Variants in WDR62 observed in about 807,000 individuals in gnomAD.
WDR62 encodes the protein WD repeat domain 62.
A neutral mutation model predicts 160.6 loss-of-function variants in WDR62; 112 were observed. The observed-to-expected ratio is 0.70, with a 90% CI of 0.60 to 0.82. The LOEUF is 0.82. Among genes scored for constraint, WDR62 ranks in the 40% least tolerant of loss-of-function variants. The pLI, the probability that WDR62 is intolerant of heterozygous loss-of-function variation, is 0.00. For missense variants in WDR62, 1,819 were observed against 1,983.8 expected (o/e 0.92, Z 1.58); for synonymous variants, 792 against 815.1 (o/e 0.97, Z 0.48).
intron 2 of WDR62, among the ~76,000 whole-genome samples, chr19:36,059,702 C>T (rs1970546716): frequency 6.6e-6 from 1 of 152,128 alleles, no homozygotes. Flanking sequence ...TCCCAAAGTG[C>T]TGGGATTATA....
At position 36,104,863 on chromosome 19, in the gene WDR62, A is replaced by T; in HGVS notation, c.4407A>T (p.Glu1469Asp). ...FLWIHSQLEA[E>D]CLVGTSVAPA... ...GGATCCACAGCCAGCTGGAGGCTGA[A>T]TGCCTGGTGGGGACTAGTGTGGCCC... Residue 1469 changes from glutamate (E) to aspartate (D), a missense_variant, in exon 32 of 32, where the codon GAA becomes GAT. Physicochemically the swap from Glu to Asp is conservative, Grantham distance 45. Coordinates refer to ENST00000401500, the MANE Select transcript of WDR62 (RefSeq NM_001083961.2). 6.2e-7 allele frequency: 1 copy of T among 1,613,102 alleles called. No individual in the cohort carries two copies. Among genetic ancestry groups the T allele is most frequent in the African/African-American group, 1.3e-5 (1 of 75,026 alleles).
intron 21 of WDR62, among the ~76,000 whole-genome samples, chr19:36,099,081 G>A (rs1395225923): frequency 6.6e-6 from 1 of 152,088 alleles, no homozygotes; most frequent in African/African-American, 2.4e-5. Flanking sequence ...AATTAGCCAG[G>A]TGTGGTGGTG....
At chr19:36,092,308 CAAA>C (rs557921076) in intron 18 of WDR62, among the ~76,000 whole-genome samples, 6 of 81,168 alleles carry the variant, frequency 7.4e-5, no homozygotes, top group African/African-American at 9.2e-5. Context: ...AAGACTCTCT[CAAA>C]AAAAAAAAAA....
chr19:36,091,526 G>A, intron 18 of WDR62, 61 bp downstream of exon 18: 1 of 1,524,784 alleles, frequency 6.6e-7, no homozygotes, highest in South Asian at 1.1e-5. Flanking sequence ...CACTCAGCCT[G>A]CCTGTGTAGA....
At chr19:36,068,683 T>G (rs1429854071) in intron 7 of WDR62, among the ~76,000 whole-genome samples, 1 of 149,780 alleles carries the variant, frequency 6.7e-6, no homozygotes, top group Non-Finnish European at 1.5e-5. Context: ...GGTAAGGTCA[T>G]AGATCAACAG....
rs550638582 is a variant in WDR62, at chr19:36,067,154, A to T, written c.562-152A>T. ...CGGTGAGGAATGAGCAGGGTGCCCC[A>T]CATAGGTTTCCCCATACAGCAGCTC... On this transcript the variant is annotated intron_variant, in intron 5 of 31. Transcript: ENST00000401500. The T allele has an allele frequency of 7.4e-6, 7 of 946,814 alleles. No individual in the cohort carries two copies. The East Asian group carries it at 1.8e-4, about 24-fold the overall frequency. 58.7% of individuals were successfully genotyped at this position (946,814 alleles called of 1,614,324 possible). A position where few individuals can be genotyped will look rare whatever the true frequency, so the allele number is the denominator to read the frequency against.
chr19:36,086,274 A>G (rs1053122008), intron 12 of WDR62, among the ~76,000 whole-genome samples: 2 of 152,112 alleles, frequency 1.3e-5, no homozygotes, highest in South Asian at 4.1e-4. Context: ...CAGGCAGTCA[A>G]TAGGACCTGA....
At chr19:36,072,255 GAGA>G (rs1307375699) in intron 8 of WDR62, among the ~76,000 whole-genome samples, 1 of 152,238 alleles carries the variant, frequency 6.6e-6, no homozygotes, top group Non-Finnish European at 1.5e-5. Flanking sequence ...GGTGCCTGGT[GAGA>G]AGGAGCTGCT....
At chr19:36,099,266 G>GTACCTGGAA (rs1973173082) in intron 21 of WDR62, 133 bp from the exon 22 acceptor site, 1 of 660,832 alleles carries the variant, frequency 1.5e-6, no homozygotes, top group East Asian at 2.8e-5. Flanking sequence ...TCACGCTGGA[G>GTACCTGGAA]ATATGTACCT....
chr19:36,089,438 GT>G (rs926432301), intron 15 of WDR62, 132 bp downstream of exon 15: 163 of 1,429,588 alleles, frequency 1.1e-4, no homozygotes, highest in Admixed American at 1.5e-4. Context: ...TTCCTTCTTG[GT>G]TTTTTTTTGT....
chr19:36,091,548 A>T lies in WDR62; in HGVS notation c.2210+83A>T. ...CCTGCCTGTGTAGAGAGCATTTCTA[A>T]ACTGCCCAGTTTGGATTGTGGGAGT... On this transcript the variant is annotated intron_variant, in intron 18 of 31. Transcript: ENST00000401500. The T allele has an allele frequency of 4.4e-6, 6 of 1,372,968 alleles. No homozygotes were observed. In the South Asian group the frequency reaches 5.8e-5, roughly 13 times the overall value. 85.0% of individuals were successfully genotyped at this position (1,372,968 alleles called of 1,614,324 possible).
chr19:36,105,253 G>A, downstream of WDR62: 3 of 618,574 alleles, frequency 4.8e-6, no homozygotes, highest in South Asian at 5.8e-5. Context: ...AGGAACTGCA[G>A]CCATGACCTC....
chr19:36,081,942 C>T (rs1423996599), intron 10 of WDR62: 1 of 457,810 alleles, frequency 2.2e-6, no homozygotes, highest in East Asian at 6.5e-5. Flanking sequence ...CACAGTGAGG[C>T]CTCACGGGGG....
chr19:36,063,564 A>C (rs1970781876), intron 3 of WDR62, among the ~76,000 whole-genome samples: 2 of 152,178 alleles, frequency 1.3e-5, no homozygotes, highest in Admixed American at 6.5e-5. Flanking sequence ...CTTGACACTG[A>C]GGATTGTAGA....
In WDR62 at chr19:36,089,974, C is replaced by T. The variant is rs548177217; in HGVS notation, c.1959-471C>T. Among the ~76,000 whole-genome samples, 5 of 152,328 alleles carry T rather than the reference C, an allele frequency of 3.3e-5. No individual in the cohort carries two copies. The South Asian group carries it at 1.0e-3, about 32-fold the overall frequency. ...GCCCTCCTTCATGGAGCTCACAGTC[C>T]AGTAGAATGGACACGGCCACCTCAC... On this transcript the variant is annotated intron_variant, in intron 15 of 31. Coordinates refer to ENST00000401500, the MANE Select transcript of WDR62 (RefSeq NM_001083961.2).
chr19:36,100,997 G>T lies in WDR62; in HGVS notation c.2867+122G>T, dbSNP rs1973294994. The T allele has an allele frequency of 3.4e-6, 5 of 1,490,500 alleles. No homozygotes were observed. In the Admixed American group the frequency reaches 8.8e-5, roughly 26 times the overall value. The allele number at this position is 1,490,500 out of a possible 1,614,324, so 92.3% of individuals were successfully genotyped here. A position where few individuals can be genotyped will look rare whatever the true frequency, so the allele number is the denominator to read the frequency against. ...GTGGGAGTGGGGACAGTTGAGGCCT[G>T]GATGGGGCAGGAGCCCAGCCTTAGT... On this transcript the variant is annotated intron_variant, in intron 23 of 31. Coordinates refer to ENST00000401500, the MANE Select transcript of WDR62 (RefSeq NM_001083961.2).
intron 1 of WDR62, among the ~76,000 whole-genome samples, chr19:36,055,833 G>C (rs1054734192): frequency 2.0e-5 from 3 of 152,192 alleles, no homozygotes; most frequent in Non-Finnish European, 4.4e-5. Context: ...TTTTCCAGCT[G>C]TGTAGGCACA....
In WDR62 at chr19:36,067,224, G is replaced by T. The variant is rs371588458; in HGVS notation, c.562-82G>T. On this transcript the variant is annotated intron_variant, in intron 5 of 31. Coordinates refer to ENST00000401500, the MANE Select transcript of WDR62 (RefSeq NM_001083961.2). The stretch of plus-strand genomic sequence containing the variant: ...ACAGACTTGGAGTGGGGACGAGCAG[G>T]GAGTTCCAGCCTGAGGGCAAAGGCA... 613 of 1,590,496 alleles carry T rather than the reference G, an allele frequency of 3.9e-4. 4 individuals are homozygous for T. In the African/African-American group the frequency reaches 7.1e-3, roughly 18 times the overall value.
Position 36,089,229 on chromosome 19 carries a change from G to A in WDR62, c.1881G>A (p.Glu627=). The part of the protein sequence containing the change: ...LHFVRTHHVA[E]KTTLYDMDID... ...TTGTCCGTACCCACCACGTAGCAGA[G>A]AAAACCACCTTGTATGACATGGACA... The change falls in exon 15 of 32, where the codon GAG becomes GAA. Residue 627 remains glutamate, a synonymous_variant. Coordinates refer to ENST00000401500, the MANE Select transcript of WDR62 (RefSeq NM_001083961.2). 1 of 1,614,234 alleles carries A rather than the reference G, an allele frequency of 6.2e-7. No homozygotes were observed. The highest frequency in any genetic ancestry group is 8.5e-7 in the Non-Finnish European group (1 of 1,180,036).
Sources: gnomAD v4.1 joint callset for allele counts (sites outside exome capture counted in the v4.1 genomes callset) on GRCh38, gnomAD v4.1.1 for gene constraint, MANE v1.5 for transcripts, NCBI Gene and HGNC (gene_info 2026-07-23, HGNC 2026-07-21) for gene names.